PCDH17: variants seen among roughly 807,000 people sequenced by gnomAD.
PCDH17 encodes the protein protocadherin 17.
In PCDH17, 21 loss-of-function variants were observed where a neutral mutation model predicts 67.7. The observed-to-expected ratio is 0.31, with a 90% CI of 0.22 to 0.45. PCDH17 has a LOEUF of 0.45. Among genes scored for constraint, PCDH17 ranks in the 20% least tolerant of loss-of-function variants. The pLI is 1.00. For synonymous variants in PCDH17, 701 were observed against 656.7 expected, an observed-to-expected ratio of 1.07 and a Z score of -1.03; for missense variants, 1,471 against 1,564.8, an observed-to-expected ratio of 0.94 and a Z score of 1.01.
intron 3 of PCDH17, among the ~76,000 whole-genome samples, chr13:57,711,394 A>T (rs1464449689): frequency 2.6e-5 from 4 of 151,840 alleles, no homozygotes; most frequent in Non-Finnish European, 5.9e-5. Context: ...TTTTATGTCC[A>T]CTAAGTGGTT....
chr13:57,699,398 AT>A (rs1352107167), intron 3 of PCDH17, among the ~76,000 whole-genome samples: 1 of 151,966 alleles, frequency 6.6e-6, no homozygotes, highest in Non-Finnish European at 1.5e-5. Flanking sequence ...TCATTCTTTG[AT>A]TACTCAAGTG....
At chr13:57,658,764 G>GT (rs112439329) in intron 1 of PCDH17, among the ~76,000 whole-genome samples, 1 of 150,006 alleles carries the variant, frequency 6.7e-6, no homozygotes, top group African/African-American at 2.5e-5. Context: ...TTTTTCGTTT[G>GT]TTTGTTTTGT....
rs145413485 is a variant in PCDH17 at position 57,636,343 on chromosome 13, T to A, written c.2565+1232T>A. On this transcript the variant is annotated intron_variant, in intron 1 of 3. Transcript: ENST00000377918. Reference sequence around the variant, plus strand: ...TGGAAATAATTTGTTCATAATGTTATGCTTTGAAAAGCAAATAACTTTTGA... The same window carrying A: ...TGGAAATAATTTGTTCATAATGTTAAGCTTTGAAAAGCAAATAACTTTTGA... Among the ~76,000 whole-genome samples, 598 of 152,350 alleles carry A rather than the reference T, an allele frequency of 3.9e-3. 4 individuals are homozygous for A. The highest frequency in any genetic ancestry group is 0.011 in the African/African-American group (468 of 41,592).
At chr13:57,647,933 A>G (rs1954985899) in intron 1 of PCDH17, among the ~76,000 whole-genome samples, 1 of 151,934 alleles carries the variant, frequency 6.6e-6, no homozygotes, top group African/African-American at 2.4e-5. Context: ...GCGTAAGCTA[A>G]TGTATCAGTT....
chr13:57,654,030 T>C (rs1733247831), intron 1 of PCDH17, among the ~76,000 whole-genome samples: 1 of 152,152 alleles, frequency 6.6e-6, no homozygotes, highest in South Asian at 2.1e-4. Flanking sequence ...AAATGATTTG[T>C]GTTTTTTCTA....
intron 3 of PCDH17, among the ~76,000 whole-genome samples, chr13:57,667,656 C>A (rs1489779984): frequency 1.3e-5 from 2 of 151,426 alleles, no homozygotes; most frequent in African/African-American, 4.8e-5. Flanking sequence ...CTTATTATTT[C>A]AGTTGTTTTG....
chr13:57,636,545 T>C (rs1954825648), intron 1 of PCDH17, among the ~76,000 whole-genome samples: 1 of 152,144 alleles, frequency 6.6e-6, no homozygotes, highest in Non-Finnish European at 1.5e-5. Flanking sequence ...AATATTAAAA[T>C]ATCAATTGTA....
chr13:57,661,890 CAG>C (rs1247130124), intron 1 of PCDH17, among the ~76,000 whole-genome samples: 6 of 151,990 alleles, frequency 3.9e-5, no homozygotes, highest in African/African-American at 1.2e-4. Context: ...TTTTTTGAGA[CAG>C]AGTCTCACTC....
intron 1 of PCDH17, among the ~76,000 whole-genome samples, chr13:57,659,105 G>T (rs1955149820): frequency 3.1e-5 from 4 of 130,060 alleles, no homozygotes; most frequent in African/African-American, 1.5e-4. Context: ...TATTTATATT[G>T]TGTGTGTGTG....
chr13:57,686,731 A>C (rs2138055969), intron 3 of PCDH17, among the ~76,000 whole-genome samples: 1 of 152,172 alleles, frequency 6.6e-6, no homozygotes, highest in Non-Finnish European at 1.5e-5. Flanking sequence ...AGACTTTAAA[A>C]CTACAGTTGC....
intron 3 of PCDH17, among the ~76,000 whole-genome samples, chr13:57,720,782 T>C (rs923191509): frequency 1.3e-5 from 2 of 152,080 alleles, no homozygotes; most frequent in Admixed American, 1.3e-4. Flanking sequence ...ATGGTGCAGG[T>C]AAACTGCAAG....
Position 57,634,728 on chromosome 13 carries a change from G to A in PCDH17, c.2182G>A (p.Val728Ile), listed in dbSNP as rs1175788433. The A allele has an allele frequency of 3.7e-6, 6 of 1,613,924 alleles. No individual in the cohort carries two copies. The Admixed American group carries it at 1.0e-4, about 27-fold the overall frequency. ...ILLAAMITIA[V>I]KCKRENKEIR... ...CCTAGCGGCCATGATCACCATCGCC[G>A]TCAAGTGCAAGCGCGAGAACAAGGA... The change falls in exon 1 of 4, where the codon GTC becomes ATC. Residue 728 changes from valine (V) to isoleucine (I), a missense_variant. Around this residue, in one of 3 missense-constraint regions of PCDH17, gnomAD observed 1,163 missense variants for 1,230.0 expected, o/e 0.95. Coordinates refer to ENST00000377918, the MANE Select transcript of PCDH17 (RefSeq NM_001040429.3). The surrounding 1 kb of genome is among the most constrained non-coding windows in gnomAD (Gnocchi z 7.8).
At position 57,631,969 on chromosome 13, in the gene PCDH17, G is replaced by C. The variant is rs1405199283; in HGVS notation, c.-578G>C. On this transcript the variant is annotated 5_prime_UTR_variant, in exon 1 of 4. Coordinates refer to ENST00000377918, the MANE Select transcript of PCDH17 (RefSeq NM_001040429.3). ...AAAATATATCTGTGACTCTGTCTTC[G>C]TTGCTCTTCATCCCCATCAATTTCA... 1.9e-5 allele frequency: 3 copies of C among 154,244 alleles called. No individual in the cohort carries two copies. Among genetic ancestry groups the C allele is most frequent in the African/African-American group, 4.8e-5 (2 of 41,410 alleles). 9.6% of individuals were successfully genotyped at this position (154,244 alleles called of 1,614,324 possible).
At position 57,667,514 on chromosome 13, in the gene PCDH17, A is replaced by G. The variant is rs570059675; in HGVS notation, c.2797+681A>G. 1.5e-3 allele frequency among the ~76,000 whole-genome samples: 224 copies of G among 152,150 alleles called. 2 individuals are homozygous for G. Among genetic ancestry groups the G allele is most frequent in the African/African-American group, 5.3e-3 (221 of 41,560 alleles). On this transcript the variant is annotated intron_variant, in intron 3 of 3. Coordinates refer to ENST00000377918, the MANE Select transcript of PCDH17 (RefSeq NM_001040429.3). The stretch of plus-strand genomic sequence containing the variant: ...TTTGCTAATGATTCATCCAAAGTAA[A>G]TTAAATTACTCTTATGTATAAGACT...
intron 1 of PCDH17, among the ~76,000 whole-genome samples, 168 bp downstream of exon 1, chr13:57,635,279 A>G (rs1954808086): frequency 6.6e-6 from 1 of 152,214 alleles, no homozygotes; most frequent in Non-Finnish European, 1.5e-5. Context: ...TATTCTACAT[A>G]TAACCCCTCC....
chr13:57,679,749 T>A (rs1843011466), intron 3 of PCDH17, among the ~76,000 whole-genome samples: 1 of 151,502 alleles, frequency 6.6e-6, no homozygotes, highest in Non-Finnish European at 1.5e-5. Context: ...CTTTTACCCT[T>A]ACAAGCTAAG....
chr13:57,720,324 T>C (rs757513522), intron 3 of PCDH17, among the ~76,000 whole-genome samples: 1 of 151,988 alleles, frequency 6.6e-6, no homozygotes, highest in Non-Finnish European at 1.5e-5. Context: ...ACAGTTAAAG[T>C]GTTGATCTAA....
At chr13:57,635,231 T>G in intron 1 of PCDH17, 120 bp downstream of exon 1, 1 of 1,005,776 alleles carries the variant, frequency 9.9e-7, no homozygotes, top group Non-Finnish European at 1.5e-6. Flanking sequence ...AATAATTAAA[T>G]GAAAACGGTT....
In PCDH17 at chr13:57,725,139, C is replaced by A. The variant is rs771960482; in HGVS notation, c.3325C>A (p.Arg1109=). ...VFADVHSRAS[R]DSSEMGAVLE... is the part of the protein sequence containing the mutation. ...TGCAGATGTGCATTCCAGAGCCAGC[C>A]GGGATTCCAGTGAGATGGGTGCTGT... Residue 1109 remains arginine (R), a synonymous_variant, in exon 4 of 4, where the codon CGG becomes AGG. Transcript: ENST00000377918. The A allele has an allele frequency of 6.2e-7, 1 of 1,613,972 alleles. No individual in the cohort carries two copies. Among genetic ancestry groups the A allele is most frequent in the Non-Finnish European group, 8.5e-7 (1 of 1,180,018 alleles).
Sources: gnomAD v4.1 joint callset for allele counts (sites outside exome capture counted in the v4.1 genomes callset) on GRCh38, gnomAD v4.1.1 for gene constraint, gnomAD v4.1.1 regional missense constraint, Gnocchi (gnomAD v3.1) non-coding constraint, MANE v1.5 for transcripts, NCBI Gene and HGNC (gene_info 2026-07-23, HGNC 2026-07-21) for gene names.